The following BRINP3 variants were observed in gnomAD, a reference collection of about 807,000 sequenced individuals.
The protein encoded by BRINP3 is BMP/retinoic acid inducible neural specific 3, also known as BMP/retinoic acid-inducible neural-specific protein 3.
Under a neutral mutation model 71.0 loss-of-function variants are expected in BRINP3, and 19 were observed. The observed-to-expected ratio is 0.27, with a 90% CI of 0.19 to 0.39. BRINP3 has a LOEUF of 0.39. Ranked by LOEUF, BRINP3 falls within the 10% of genes least tolerant of loss-of-function variation. BRINP3 has a pLI of 1.00. For synonymous variants in BRINP3, 380 were observed against 337.7 expected (o/e 1.13, Z -1.37); for missense variants, 959 against 940.8 (o/e 1.02, Z -0.25).
intron 2 of BRINP3, among the ~76,000 whole-genome samples, chr1:190,366,873 A>G (rs1296655559): frequency 1.3e-5 from 2 of 152,206 alleles, no homozygotes; most frequent in African/African-American, 4.8e-5. Flanking sequence ...CACTGATGCA[A>G]GAGTTAGGCT....
At chr1:190,473,246 T>A (rs1677262318) in intron 1 of BRINP3, among the ~76,000 whole-genome samples, 1 of 151,962 alleles carries the variant, frequency 6.6e-6, no homozygotes, top group Non-Finnish European at 1.5e-5. Context: ...GGAATTAGAA[T>A]TCATTGACAA....
At chr1:190,144,891 G>A (rs906061195) in intron 7 of BRINP3, among the ~76,000 whole-genome samples, 25 of 152,076 alleles carry the variant, frequency 1.6e-4, no homozygotes, top group African/African-American at 5.1e-4. Flanking sequence ...CTGTTCAGTC[G>A]GCCTGTAATT....
chr1:190,432,996 T>C (rs1464689151), intron 2 of BRINP3, among the ~76,000 whole-genome samples: 2 of 152,168 alleles, frequency 1.3e-5, no homozygotes, highest in Non-Finnish European at 2.9e-5. Flanking sequence ...GTTAAATTTA[T>C]TGAAAAGAAA....
At chr1:190,255,039 T>C (rs571411646) in intron 4 of BRINP3, among the ~76,000 whole-genome samples, 108 of 151,992 alleles carry the variant, frequency 7.1e-4, no homozygotes, top group Non-Finnish European at 1.3e-3. Flanking sequence ...CATGTGGTTT[T>C]TTTTTTCATT....
At chr1:190,151,973 A>G (rs184846113) in intron 7 of BRINP3, among the ~76,000 whole-genome samples, 1 of 152,248 alleles carries the variant, frequency 6.6e-6, no homozygotes, top group Non-Finnish European at 1.5e-5. Context: ...TAATTCTGAA[A>G]ATCCCTTGTT....
At chr1:190,223,229 A>G (rs1304923972) in intron 6 of BRINP3, among the ~76,000 whole-genome samples, 1 of 151,890 alleles carries the variant, frequency 6.6e-6, no homozygotes, top group Admixed American at 6.6e-5. Context: ...ACCAATAAGA[A>G]CACTACAGAT....
chr1:190,424,305 A>G (rs922475380), intron 2 of BRINP3, among the ~76,000 whole-genome samples: 3 of 151,554 alleles, frequency 2.0e-5, no homozygotes, highest in Non-Finnish European at 3.0e-5. Flanking sequence ...CAGCTTTCCA[A>G]TCATTCATAA....
At chr1:190,399,921 A>C (rs949358782) in intron 2 of BRINP3, among the ~76,000 whole-genome samples, 1 of 151,954 alleles carries the variant, frequency 6.6e-6, no homozygotes, top group African/African-American at 2.4e-5. Context: ...TTAAATTTAT[A>C]TAACTAAGAA....
At chr1:190,385,280 A>G (rs1378068139) in intron 2 of BRINP3, among the ~76,000 whole-genome samples, 1 of 152,150 alleles carries the variant, frequency 6.6e-6, no homozygotes, top group African/African-American at 2.4e-5. Flanking sequence ...AACTACCATC[A>G]GAGTGAACAG....
chr1:190,388,345 G>C (rs184235495), intron 2 of BRINP3, among the ~76,000 whole-genome samples: 1 of 151,880 alleles, frequency 6.6e-6, no homozygotes, highest in Non-Finnish European at 1.5e-5. Context: ...GTTGAATTCT[G>C]TCAAGCCCAG....
chr1:190,203,029 G>T (rs1055527530), intron 6 of BRINP3, among the ~76,000 whole-genome samples: 1 of 152,058 alleles, frequency 6.6e-6, no homozygotes, highest in African/African-American at 2.4e-5. Context: ...CTAGGAAGCT[G>T]TCATTTTTAC....
At chr1:190,370,177 A>G (rs1219403578) in intron 2 of BRINP3, among the ~76,000 whole-genome samples, 1 of 152,220 alleles carries the variant, frequency 6.6e-6, no homozygotes. Context: ...GCATACACAC[A>G]TACACAAGCA....
intron 7 of BRINP3, among the ~76,000 whole-genome samples, chr1:190,120,217 C>T (rs1653523968): frequency 2.0e-5 from 3 of 152,046 alleles, no homozygotes; most frequent in Non-Finnish European, 1.5e-5. Flanking sequence ...TTTCTTATTC[C>T]CCTTCAGCAC....
intron 6 of BRINP3, among the ~76,000 whole-genome samples, chr1:190,201,263 G>C (rs960270095): frequency 1.3e-5 from 2 of 152,146 alleles, no homozygotes; most frequent in African/African-American, 4.8e-5. Flanking sequence ...CTGGCATTTT[G>C]CCCCTGCCCT....
rs1318975956 is a variant in BRINP3, at chr1:190,098,076, G to T, written c.2243C>A (p.Ala748Glu). The T allele has an allele frequency of 6.2e-7, 1 of 1,613,824 alleles. No homozygotes were observed. The highest frequency in any genetic ancestry group is 8.5e-7 in the Non-Finnish European group (1 of 1,179,964). ...EVVRIQSALQ[A>E]FNAKLPNTMD... is the part of the protein sequence containing the mutation. ...TGTGTTTGGCAATTTGGCATTAAAC[G>T]CCTGCAGAGCAGATTGGATCCTCAC... Residue 748 changes from alanine (A) to glutamate (E), a missense_variant, in exon 8 of 8, where the codon GCG becomes GAG. Transcript: ENST00000367462.
At chr1:190,140,177 A>G (rs1485512564) in intron 7 of BRINP3, among the ~76,000 whole-genome samples, 1 of 152,176 alleles carries the variant, frequency 6.6e-6, no homozygotes, top group African/African-American at 2.4e-5. Context: ...ATTTTGTGAA[A>G]CATTACCAGA....
intron 2 of BRINP3, among the ~76,000 whole-genome samples, chr1:190,428,740 A>T (rs908971871): frequency 9.2e-5 from 14 of 152,138 alleles, no homozygotes; most frequent in Non-Finnish European, 1.5e-4. Context: ...ATCTTTATAC[A>T]TTGTATATAT....
intron 2 of BRINP3, among the ~76,000 whole-genome samples, chr1:190,427,609 C>A (rs1224015868): frequency 6.6e-6 from 1 of 151,886 alleles, no homozygotes; most frequent in Non-Finnish European, 1.5e-5. Flanking sequence ...TATTTGCTAA[C>A]AACATTTTTA....
At chr1:190,434,892 C>A (rs543881679) in intron 2 of BRINP3, among the ~76,000 whole-genome samples, 125 of 152,168 alleles carry the variant, frequency 8.2e-4, no homozygotes, top group African/African-American at 3.0e-3. Flanking sequence ...AATGCCTTTG[C>A]CCCTAATGTA....
Sources: allele counts gnomAD v4.1 joint callset (sites outside exome capture counted in the v4.1 genomes callset), GRCh38; gene constraint gnomAD v4.1.1; transcripts MANE v1.5; gene names NCBI Gene and HGNC (gene_info 2026-07-23, HGNC 2026-07-21).